The following SH3KBP1 variants were observed in gnomAD, a reference collection of about 807,000 sequenced individuals.
SH3KBP1 encodes the protein SH3 domain-containing kinase-binding protein 1.
A neutral mutation model predicts 50.1 loss-of-function variants in SH3KBP1; 8 were observed. That is an observed-to-expected ratio of 0.16 (90% CI 0.09 to 0.29). The LOEUF is 0.29. SH3KBP1 is among the 10% of genes least tolerant of loss of function. SH3KBP1 has a pLI of 1.00. For synonymous variants in SH3KBP1, 227 were observed against 218.6 expected (o/e 1.04, Z -0.34); for missense variants, 377 against 535.2 (o/e 0.70, Z 2.92).
chrX:19,794,064 G>A (rs950677043), intron 2 of SH3KBP1, among the ~76,000 whole-genome samples: 13 of 109,997 alleles, frequency 1.2e-4, no homozygotes, highest in African/African-American at 1.7e-4. Flanking sequence ...ACACCAGAAC[G>A]GTCCCCAGGC....
intron 8 of SH3KBP1, among the ~76,000 whole-genome samples, chrX:19,611,251 C>T (rs1336081257): frequency 1.8e-5 from 2 of 111,950 alleles, no homozygotes; most frequent in South Asian, 3.7e-4. Context: ...AACCCAAGAA[C>T]CTTTTTTGCT....
chrX:19,661,626 T>TG (rs1414006624), intron 6 of SH3KBP1, among the ~76,000 whole-genome samples: 1 of 106,039 alleles, frequency 9.4e-6, no homozygotes, highest in African/African-American at 3.5e-5. Flanking sequence ...AAATAAAGGT[T>TG]GTTTTTTTTT....
chrX:19,542,856 T>TG (rs1305077909), intron 15 of SH3KBP1, among the ~76,000 whole-genome samples: 2 of 111,024 alleles, frequency 1.8e-5, no homozygotes, highest in Non-Finnish European at 3.8e-5. Flanking sequence ...GAGAGGGCCT[T>TG]GGGGGCAGAG....
At chrX:19,768,034 C>T (rs187634096) in intron 2 of SH3KBP1, among the ~76,000 whole-genome samples, 6 of 111,247 alleles carry the variant, frequency 5.4e-5, no homozygotes, top group African/African-American at 2.0e-4. Flanking sequence ...CCTGTCAATA[C>T]CAAGGCACCA....
chrX:19,628,818 C>T (rs757893585), intron 8 of SH3KBP1, among the ~76,000 whole-genome samples: 4 of 111,801 alleles, frequency 3.6e-5, no homozygotes, highest in South Asian at 7.5e-4. Flanking sequence ...GTGGCTAGGC[C>T]GGCTGCAGTG....
intron 2 of SH3KBP1, among the ~76,000 whole-genome samples, chrX:19,832,329 A>C (rs900277047): frequency 8.9e-6 from 1 of 112,094 alleles, no homozygotes; most frequent in Non-Finnish European, 1.9e-5. Flanking sequence ...CCACTGTGCT[A>C]AACAATTTCC....
intron 1 of SH3KBP1, among the ~76,000 whole-genome samples, chrX:19,837,606 A>G (rs960517991): frequency 1.9e-5 from 2 of 107,438 alleles, no homozygotes; most frequent in Admixed American, 2.0e-4. Context: ...CCACCCAGCT[A>G]ATTTTTGTAT....
intron 5 of SH3KBP1, among the ~76,000 whole-genome samples, chrX:19,693,103 C>A (rs2063337854): frequency 8.9e-6 from 1 of 112,084 alleles, no homozygotes; most frequent in African/African-American, 3.2e-5. Flanking sequence ...TGAAGCCCCA[C>A]ATCCCCATGG....
chrX:19,554,495 G>A (rs1175105156), intron 13 of SH3KBP1, among the ~76,000 whole-genome samples: 5 of 105,828 alleles, frequency 4.7e-5, no homozygotes, highest in South Asian at 4.0e-4. Flanking sequence ...TCTGCCTCCC[G>A]GGTTCAAGCA....
intron 3 of SH3KBP1, among the ~76,000 whole-genome samples, chrX:19,710,608 A>G (rs1014175618): frequency 1.8e-5 from 2 of 111,501 alleles, no homozygotes; most frequent in African/African-American, 6.5e-5. Flanking sequence ...TTAGTGTTTT[A>G]TTATTATTTA....
chrX:19,877,283 G>A (rs1399576327), intron 1 of SH3KBP1, among the ~76,000 whole-genome samples: 1 of 111,869 alleles, frequency 8.9e-6, no homozygotes, highest in Non-Finnish European at 1.9e-5. Context: ...GTTCATTTAC[G>A]AAGTCACTTC....
At chrX:19,563,924 TCA>T (rs988760364) in intron 13 of SH3KBP1, among the ~76,000 whole-genome samples, 4 of 111,269 alleles carry the variant, frequency 3.6e-5, no homozygotes, top group Non-Finnish European at 5.7e-5. Flanking sequence ...CGGCTGTTGT[TCA>T]CACACACGCT....
chrX:19,774,898 C>T (rs1008163000), intron 2 of SH3KBP1, among the ~76,000 whole-genome samples: 1 of 111,036 alleles, frequency 9.0e-6, no homozygotes, highest in Non-Finnish European at 1.9e-5. Context: ...GGTCTTCCTA[C>T]TTTACAAAGC....
Position 19,545,867 on chromosome X carries a change from T to A in SH3KBP1, c.1623+55A>T, listed in dbSNP as rs190359031. On this transcript the variant is annotated intron_variant, in intron 15 of 17. Coordinates refer to ENST00000397821, the MANE Select transcript of SH3KBP1 (RefSeq NM_031892.3). ...GTATCTTTGTTTGGTTTATAACCCA[T>A]CATTAGCACATGCATGAAATGACAG... is the stretch of plus-strand genomic sequence containing the variant. The A allele has an allele frequency of 8.1e-5, 95 of 1,173,208 alleles. No individual in the cohort carries two copies. In the African/African-American group the frequency reaches 1.6e-3, roughly 20 times the overall value.
intron 9 of SH3KBP1, among the ~76,000 whole-genome samples, chrX:19,603,042 A>C (rs1260952155): frequency 8.9e-6 from 1 of 112,421 alleles, no homozygotes; most frequent in Non-Finnish European, 1.9e-5. Context: ...ATTGCATCAC[A>C]ATGTGTCTGG....
chrX:19,600,204 G>A (rs865778050), intron 9 of SH3KBP1, among the ~76,000 whole-genome samples: 14 of 109,182 alleles, frequency 1.3e-4, no homozygotes, highest in Middle Eastern at 9.5e-3. Flanking sequence ...GCAACACAGT[G>A]AAAACCCATC....
intron 3 of SH3KBP1, among the ~76,000 whole-genome samples, chrX:19,732,646 T>A (rs973198448): frequency 1.8e-5 from 2 of 108,202 alleles, no homozygotes; most frequent in African/African-American, 3.4e-5. Flanking sequence ...CAGCGTTCTA[T>A]CCAAGCCAAG....
At chrX:19,845,335 G>A (rs919103979) in intron 1 of SH3KBP1, among the ~76,000 whole-genome samples, 5 of 107,748 alleles carry the variant, frequency 4.6e-5, no homozygotes, top group East Asian at 3.0e-4. Flanking sequence ...AAAAATAGCC[G>A]GGCGTGGTGG....
intron 9 of SH3KBP1, among the ~76,000 whole-genome samples, chrX:19,600,392 A>C (rs2067051629): frequency 8.9e-6 from 1 of 111,923 alleles, no homozygotes; most frequent in Non-Finnish European, 1.9e-5. Flanking sequence ...TCAGTAAAAA[A>C]AAAAATGAAA....
Sources: allele counts gnomAD v4.1 joint callset (sites outside exome capture counted in the v4.1 genomes callset), GRCh38; gene constraint gnomAD v4.1.1; transcripts MANE v1.5; gene names NCBI Gene and HGNC (gene_info 2026-07-23, HGNC 2026-07-21).